ASXL2: variants seen among roughly 807,000 people sequenced by gnomAD.
ASXL2 encodes the protein putative Polycomb group protein ASXL2.
A neutral mutation model predicts 122.0 loss-of-function variants in ASXL2; 23 were observed. The observed-to-expected ratio is 0.19, with a 90% confidence interval of 0.14 to 0.27. The LOEUF is 0.27. Among genes scored for constraint, ASXL2 ranks in the 10% least tolerant of loss-of-function variants. ASXL2 has a pLI of 1.00. For synonymous variants in ASXL2, 650 were observed against 637.0 expected, an observed-to-expected ratio of 1.02 and a Z score of -0.31; for missense variants, 1,518 against 1,713.8, an observed-to-expected ratio of 0.89 and a Z score of 2.02.
intron 2 of ASXL2, among the ~76,000 whole-genome samples, chr2:25,840,082 T>G (rs1230880362): frequency 6.6e-6 from 1 of 152,052 alleles, no homozygotes; most frequent in Non-Finnish European, 1.5e-5. Flanking sequence ...CATAATGGAA[T>G]ACAAAAAGTC....
intron 4 of ASXL2, among the ~76,000 whole-genome samples, chr2:25,802,858 C>T (rs925479864): frequency 3.3e-5 from 5 of 152,120 alleles, no homozygotes; most frequent in Non-Finnish European, 4.4e-5. Flanking sequence ...CGGCTGGGTG[C>T]GGTGGCTCAT....
In ASXL2 at chr2:25,750,156, G is replaced by A; in HGVS notation, c.1400C>T (p.Ser467Leu). 2 of 1,614,016 alleles carry A rather than the reference G, an allele frequency of 1.2e-6. No homozygotes were observed. Among genetic ancestry groups the A allele is most frequent in the Non-Finnish European group, 1.7e-6 (2 of 1,179,898 alleles). Residue 467 changes from serine to leucine, a missense_variant, in exon 12 of 13, where the codon TCA becomes TTA. This residue lies in a region of ASXL2 where 292 missense variants were observed against 293.5 expected (regional missense o/e 1.00). Transcript: ENST00000435504. ...GCTAAGCTCATGTGTATTGAGAGCTGAGGAAAGCAGGGGCTCTGAAGATGT... is the reference window on the plus strand; with the variant it reads ...GCTAAGCTCATGTGTATTGAGAGCTAAGGAAAGCAGGGGCTCTGAAGATGT... ...FSTSSEPLLS[S>L]ALNTHELSSI...
chr2:25,820,478 C>T (rs1470508262), intron 3 of ASXL2, among the ~76,000 whole-genome samples: 1 of 152,176 alleles, frequency 6.6e-6, no homozygotes, highest in African/African-American at 2.4e-5. Context: ...AAGTACTGAT[C>T]AATGCTACAA....
intron 2 of ASXL2, among the ~76,000 whole-genome samples, chr2:25,843,931 G>A (rs1398258228): frequency 1.3e-5 from 2 of 152,014 alleles, no homozygotes; most frequent in East Asian, 3.8e-4. Flanking sequence ...TTTGGGCATA[G>A]CTTACTGTTT....
intron 3 of ASXL2, among the ~76,000 whole-genome samples, chr2:25,811,593 T>G (rs555349194): frequency 2.0e-5 from 3 of 151,954 alleles, no homozygotes; most frequent in East Asian, 1.9e-4. Flanking sequence ...AAATGTATAA[T>G]AAGAAGCTCA....
chr2:25,852,410 T>C (rs1334560950), intron 1 of ASXL2, among the ~76,000 whole-genome samples: 3 of 152,244 alleles, frequency 2.0e-5, no homozygotes. Context: ...ATATTTCAAT[T>C]ACTATTACAT....
At chr2:25,861,339 C>T (rs1398399396) in intron 1 of ASXL2, among the ~76,000 whole-genome samples, 1 of 152,150 alleles carries the variant, frequency 6.6e-6, no homozygotes, top group Non-Finnish European at 1.5e-5. Flanking sequence ...TTGAACAATT[C>T]TATGCCCACA....
chr2:25,873,012 T>C (rs1439490196), intron 1 of ASXL2, among the ~76,000 whole-genome samples: 1 of 152,060 alleles, frequency 6.6e-6, no homozygotes, highest in East Asian at 1.9e-4. Context: ...TTAGTGGTGA[T>C]TTCTGAGATT....
intron 5 of ASXL2, among the ~76,000 whole-genome samples, chr2:25,789,655 C>T (rs1210378647): frequency 6.6e-6 from 1 of 152,070 alleles, no homozygotes; most frequent in Non-Finnish European, 1.5e-5. Flanking sequence ...TTTTGAGTGC[C>T]AACACGATGC....
intron 2 of ASXL2, among the ~76,000 whole-genome samples, chr2:25,838,324 G>C (rs185143777): frequency 6.6e-6 from 1 of 152,266 alleles, no homozygotes; most frequent in East Asian, 1.9e-4. Flanking sequence ...CACTGAACTA[G>C]AGCCCTGCTT....
chr2:25,861,093 A>C (rs181030263), intron 1 of ASXL2, among the ~76,000 whole-genome samples: 65 of 152,318 alleles, frequency 4.3e-4, no homozygotes, highest in South Asian at 8.3e-4. Context: ...AATTAAATCC[A>C]AAGTAACAAA....
At chr2:25,816,946 G>A (rs1231534225) in intron 3 of ASXL2, among the ~76,000 whole-genome samples, 1 of 152,178 alleles carries the variant, frequency 6.6e-6, no homozygotes, top group East Asian at 1.9e-4. Flanking sequence ...CCAACATGGT[G>A]AAACCCAGTC....
chr2:25,743,332 C>G lies in ASXL2; in HGVS notation c.3005G>C (p.Ser1002Thr), dbSNP rs1395677345. The change falls in exon 13 of 13, where the codon AGC becomes ACC. Residue 1002 changes from serine (S) to threonine (T), a missense_variant. Physicochemically the swap from Ser to Thr is moderately conservative, Grantham distance 58. Coordinates refer to ENST00000435504, the MANE Select transcript of ASXL2 (RefSeq NM_018263.6). ...ALIATNTTEN[S>T]TREEVNERQS... ...TCTCTCATTAACTTCCTCTCTGGTG[C>G]TATTTTCTGTTGTGTTGGTAGCTAT... The G allele has an allele frequency of 4.3e-6, 7 of 1,613,812 alleles. No individual in the cohort carries two copies. Among genetic ancestry groups the G allele is most frequent in the Non-Finnish European group, 5.1e-6 (6 of 1,179,884 alleles).
At chr2:25,791,024 G>A (rs1048511148) in intron 5 of ASXL2, among the ~76,000 whole-genome samples, 8 of 151,488 alleles carry the variant, frequency 5.3e-5, no homozygotes, top group African/African-American at 1.2e-4. Context: ...CTTGAACTAC[G>A]GGGCTCAAGT....
rs1300909659 is a variant in ASXL2, at chr2:25,878,029, C to T, written c.57+137G>A. 6 of 1,104,190 alleles carry T rather than the reference C, an allele frequency of 5.4e-6. No homozygotes were observed. In the Admixed American group the frequency reaches 1.0e-4, roughly 19 times the overall value. 68.4% of individuals were successfully genotyped at this position (1,104,190 alleles called of 1,614,324 possible). ...TCCCACAGGGATCGCAACCCCGACA[C>T]TAACCGCCGCCCTCTCCGCGCGGTT... On this transcript the variant is annotated intron_variant, in intron 1 of 12. Coordinates refer to ENST00000435504, the MANE Select transcript of ASXL2 (RefSeq NM_018263.6).
chr2:25,753,682 T>C, intron 10 of ASXL2, 43 bp from the exon 11 acceptor site: 1 of 1,395,800 alleles, frequency 7.2e-7, no homozygotes, highest in Non-Finnish European at 1.0e-6. Context: ...AAAAATGCTA[T>C]TTGCAACATG....
At chr2:25,820,410 T>A (rs911678641) in intron 3 of ASXL2, among the ~76,000 whole-genome samples, 2 of 152,196 alleles carry the variant, frequency 1.3e-5, no homozygotes, top group Non-Finnish European at 2.9e-5. Flanking sequence ...ATATGATTTT[T>A]AAAAAAGTAA....
intron 8 of ASXL2, among the ~76,000 whole-genome samples, chr2:25,764,112 C>T (rs528969180): frequency 6.6e-6 from 1 of 152,160 alleles, no homozygotes; most frequent in African/African-American, 2.4e-5. Flanking sequence ...CAAATAGTAC[C>T]TAAAGATACA....
In ASXL2 at chr2:25,741,546, C is replaced by T. The variant is rs1234983164; in HGVS notation, c.*483G>A. On this transcript the variant is annotated 3_prime_UTR_variant, in exon 13 of 13. Transcript: ENST00000435504. ...CAAAGGCTGAATAATCTATGAATAA[C>T]CTGCGGCCAGACTGTCCAGACAAAA... 1.7e-5 allele frequency: 4 copies of T among 232,200 alleles called. No homozygotes were observed. The highest frequency in any genetic ancestry group is 5.4e-5 in the Admixed American group (1 of 18,510). The allele number at this position is 232,200 out of a possible 1,614,324, so 14.4% of individuals were successfully genotyped here.
Sources: allele counts gnomAD v4.1 joint callset (sites outside exome capture counted in the v4.1 genomes callset), GRCh38; gene constraint gnomAD v4.1.1; regional missense constraint gnomAD v4.1.1; transcripts MANE v1.5; gene names NCBI Gene and HGNC (gene_info 2026-07-23, HGNC 2026-07-21).